EPHA6: variants seen among roughly 807,000 people sequenced by gnomAD.
The protein encoded by EPHA6 is ephrin type-A receptor 6.
In EPHA6, 50 loss-of-function variants were observed where a neutral mutation model predicts 112.0. The ratio of observed to expected loss-of-function variants is 0.45; its 90% CI spans 0.36 to 0.56. The LOEUF is 0.56. EPHA6 is among the 20% of genes least tolerant of loss of function. The pLI is 0.00. For missense variants in EPHA6, 1,280 were observed against 1,417.4 expected, an observed-to-expected ratio of 0.90 and a Z score of 1.56; for synonymous variants, 529 against 490.7, an observed-to-expected ratio of 1.08 and a Z score of -1.03.
At chr3:97,644,815 G>A (rs1325055797) in intron 14 of EPHA6, among the ~76,000 whole-genome samples, 2 of 151,782 alleles carry the variant, frequency 1.3e-5, no homozygotes, top group Admixed American at 6.6e-5. Flanking sequence ...CAACCAAAAA[G>A]AGTCCAGGAC....
At chr3:97,708,407 G>A (rs2033792017) in intron 14 of EPHA6, among the ~76,000 whole-genome samples, 2 of 152,208 alleles carry the variant, frequency 1.3e-5, no homozygotes, top group African/African-American at 4.8e-5. Flanking sequence ...TTAAAGATGT[G>A]ACCTGGCTTT....
At chr3:97,671,811 A>AGTATAGAT (rs2030865831) in intron 14 of EPHA6, among the ~76,000 whole-genome samples, 1 of 152,108 alleles carries the variant, frequency 6.6e-6, no homozygotes, top group Non-Finnish European at 1.5e-5. Flanking sequence ...ATGAAATTCC[A>AGTATAGAT]GTATAGATTT....
intron 11 of EPHA6, among the ~76,000 whole-genome samples, chr3:97,540,475 C>T (rs2092833494): frequency 6.6e-6 from 1 of 152,170 alleles, no homozygotes; most frequent in Non-Finnish European, 1.5e-5. Flanking sequence ...AAAGAATAAA[C>T]TCTTTCTGTA....
At chr3:97,214,495 AAAAAG>A (rs1359093585) in intron 3 of EPHA6, among the ~76,000 whole-genome samples, 1 of 151,424 alleles carries the variant, frequency 6.6e-6, no homozygotes, top group Non-Finnish European at 1.5e-5. Flanking sequence ...AAAAAAAAAA[AAAAAG>A]AAAAGAAAAT....
chr3:97,595,173 T>G (rs892069162), intron 12 of EPHA6, among the ~76,000 whole-genome samples: 1 of 152,210 alleles, frequency 6.6e-6, no homozygotes, highest in Non-Finnish European at 1.5e-5. Context: ...AAATTAGTAT[T>G]TATGCAACAG....
At chr3:97,392,974 G>T (rs889950287) in intron 5 of EPHA6, among the ~76,000 whole-genome samples, 1 of 151,694 alleles carries the variant, frequency 6.6e-6, no homozygotes, top group Non-Finnish European at 1.5e-5. Context: ...TATGTAATTT[G>T]TATAATTGTA....
At chr3:97,599,534 C>T (rs2093625555) in intron 12 of EPHA6, among the ~76,000 whole-genome samples, 1 of 149,668 alleles carries the variant, frequency 6.7e-6, no homozygotes, top group South Asian at 2.2e-4. Context: ...ATCCTTTCCC[C>T]ATTTCTTGTT....
At chr3:97,193,444 G>C (rs984535386) in intron 3 of EPHA6, among the ~76,000 whole-genome samples, 3 of 151,878 alleles carry the variant, frequency 2.0e-5, no homozygotes, top group Non-Finnish European at 4.4e-5. Context: ...CAGATTGTTT[G>C]CTACTGACAT....
intron 7 of EPHA6, among the ~76,000 whole-genome samples, chr3:97,469,987 T>C (rs1332188696): frequency 6.6e-6 from 1 of 151,624 alleles, no homozygotes; most frequent in African/African-American, 2.4e-5. Context: ...GATAACCCTA[T>C]GCTTTTAAAC....
At chr3:97,268,071 C>G (rs2079749566) in intron 5 of EPHA6, among the ~76,000 whole-genome samples, 1 of 152,156 alleles carries the variant, frequency 6.6e-6, no homozygotes, top group Non-Finnish European at 1.5e-5. Context: ...TCTGATTCAT[C>G]ATACAAAGAG....
chr3:96,935,706 TATATACATTA>T (rs2040544907), intron 2 of EPHA6, among the ~76,000 whole-genome samples: 1 of 138,222 alleles, frequency 7.2e-6, no homozygotes, highest in Non-Finnish European at 1.6e-5. Flanking sequence ...ATGTATATTA[TATATACATTA>T]TATATACATT....
chr3:97,381,352 T>G (rs1346768225), intron 5 of EPHA6, among the ~76,000 whole-genome samples: 1 of 152,120 alleles, frequency 6.6e-6, no homozygotes, highest in East Asian at 1.9e-4. Flanking sequence ...CTGAAGTCAC[T>G]AAATTGCCTT....
intron 5 of EPHA6, among the ~76,000 whole-genome samples, chr3:97,404,092 C>T (rs1193647870): frequency 2.0e-5 from 3 of 152,126 alleles, no homozygotes; most frequent in African/African-American, 7.2e-5. Context: ...TAGATTGTTA[C>T]AATCTTTAGA....
intron 1 of EPHA6, among the ~76,000 whole-genome samples, chr3:96,839,952 G>A (rs1419171216): frequency 1.3e-5 from 2 of 152,078 alleles, no homozygotes; most frequent in Non-Finnish European, 2.9e-5. Flanking sequence ...TTGGTAATGG[G>A]AGACCATTTA....
chr3:97,232,757 T>C (rs2078565468), intron 4 of EPHA6, among the ~76,000 whole-genome samples: 2 of 152,264 alleles, frequency 1.3e-5, no homozygotes, highest in African/African-American at 4.8e-5. Context: ...GCTGCCTCAT[T>C]TGGCCCTTTA....
At chr3:97,010,062 C>T (rs752861789) in intron 3 of EPHA6, 1 of 1,294,950 alleles carries the variant, frequency 7.7e-7, no homozygotes, top group Admixed American at 2.3e-5. Flanking sequence ...GAAACAGTAA[C>T]CTTTGAAGAA....
intron 15 of EPHA6, among the ~76,000 whole-genome samples, chr3:97,726,625 T>C (rs6795627): frequency 0.41 from 63,065 of 152,056 alleles, 13,245 homozygotes; most frequent in Non-Finnish European, 0.47. Flanking sequence ...TGCTGTTTTC[T>C]AGCGTATGAA....
At chr3:96,987,193 A>G (rs528753705) in intron 2 of EPHA6, 137 bp from the exon 3 acceptor site, 12 of 724,804 alleles carry the variant, frequency 1.7e-5, no homozygotes, top group Non-Finnish European at 2.7e-5. Flanking sequence ...ATGCTGTTCC[A>G]TTGATACTTT....
chr3:97,236,101 C>T (rs1301112729), intron 4 of EPHA6, among the ~76,000 whole-genome samples: 2 of 151,828 alleles, frequency 1.3e-5, no homozygotes, highest in Non-Finnish European at 1.5e-5. Flanking sequence ...GTGGAGGACA[C>T]TCCACACTAT....
Sources: gnomAD v4.1 joint callset for allele counts (sites outside exome capture counted in the v4.1 genomes callset) on GRCh38, gnomAD v4.1.1 for gene constraint, MANE v1.5 for transcripts, NCBI Gene and HGNC (gene_info 2026-07-23, HGNC 2026-07-21) for gene names.